Variants in SCAPER observed in about 807,000 individuals in gnomAD.
The protein encoded by SCAPER is S phase cyclin A-associated protein in the endoplasmic reticulum.
A neutral mutation model predicts 182.2 loss-of-function variants in SCAPER; 98 were observed. The observed-to-expected ratio is 0.54, with a 90% CI of 0.46 to 0.64. The LOEUF is 0.64. Ranked by LOEUF, SCAPER falls within the 30% of genes least tolerant of loss-of-function variation. The pLI is 0.00. For missense variants in SCAPER, 1,432 were observed against 1,690.0 expected (o/e 0.85, Z 2.68); for synonymous variants, 605 against 564.6 (o/e 1.07, Z -1.01).
At chr15:76,724,722 T>C (rs1457367861) in intron 17 of SCAPER, among the ~76,000 whole-genome samples, 1 of 152,216 alleles carries the variant, frequency 6.6e-6, no homozygotes, top group African/African-American at 2.4e-5. Flanking sequence ...TCACATTAGT[T>C]ACTGAGTCTT....
intron 5 of SCAPER, among the ~76,000 whole-genome samples, chr15:76,805,967 A>G (rs1458825794): frequency 1.3e-5 from 2 of 152,202 alleles, no homozygotes; most frequent in Non-Finnish European, 2.9e-5. Flanking sequence ...TTCTTTATAT[A>G]TTCTAGGTAT....
At chr15:76,723,434 A>G (rs927427251) in intron 17 of SCAPER, among the ~76,000 whole-genome samples, 2 of 152,114 alleles carry the variant, frequency 1.3e-5, no homozygotes, top group African/African-American at 4.8e-5. Flanking sequence ...AGTTCTGTAG[A>G]TGTCTATTAG....
rs1225009824 is a variant in SCAPER, at chr15:76,440,907, G to GTTTTTTTTTTTTTTTTT, written c.3079-6598_3079-6597insAAAAAAAAAAAAAAAAA. Among the ~76,000 whole-genome samples the GTTTTTTTTTTTTTTTTT allele has an allele frequency of 8.5e-5, 7 of 82,818 alleles. 1 individual carries two copies. The highest frequency in any genetic ancestry group is 2.2e-4 in the African/African-American group (5 of 22,852). The allele number at this position is 82,818 out of a possible 152,430, so 54.3% of individuals were successfully genotyped here. ...ATCTTTTAAAATTATTCCCCTTCTG[G>GTTTTTTTTTTTTTTTTT]TTTTTTTTTTGTTTTTTTTTTTTTT... is the stretch of plus-strand genomic sequence containing the variant. On this transcript the variant is annotated intron_variant, in intron 25 of 31. Coordinates refer to ENST00000563290, the MANE Select transcript of SCAPER (RefSeq NM_020843.4).
chr15:76,747,773 A>G (rs1022102218), intron 15 of SCAPER, among the ~76,000 whole-genome samples: 6 of 152,164 alleles, frequency 3.9e-5, no homozygotes, highest in East Asian at 1.9e-4. Flanking sequence ...ACCTTCTGCC[A>G]TCAGTGAAGT....
chr15:76,491,718 G>A (rs559944242), intron 24 of SCAPER, among the ~76,000 whole-genome samples: 6 of 152,202 alleles, frequency 3.9e-5, no homozygotes, highest in Admixed American at 1.3e-4. Flanking sequence ...TGCAACCCCC[G>A]CCTCCTGGGT....
intron 22 of SCAPER, among the ~76,000 whole-genome samples, chr15:76,585,569 T>C (rs1266423318): frequency 6.6e-6 from 1 of 152,182 alleles, no homozygotes; most frequent in African/African-American, 2.4e-5. Context: ...ACAAGAATGC[T>C]GACATTTGAC....
intron 15 of SCAPER, among the ~76,000 whole-genome samples, chr15:76,749,534 A>G (rs1202666730): frequency 1.3e-5 from 2 of 152,120 alleles, no homozygotes; most frequent in Non-Finnish European, 2.9e-5. Flanking sequence ...GACTGGAAAG[A>G]AAGAAATAAC....
intron 23 of SCAPER, among the ~76,000 whole-genome samples, chr15:76,532,469 T>A (rs1187605307): frequency 6.6e-6 from 1 of 152,146 alleles, no homozygotes; most frequent in East Asian, 1.9e-4. Flanking sequence ...CCCAAAGTGC[T>A]GGGATTACAG....
intron 27 of SCAPER, among the ~76,000 whole-genome samples, chr15:76,386,896 T>C (rs1395960526): frequency 6.6e-6 from 1 of 152,182 alleles, no homozygotes; most frequent in African/African-American, 2.4e-5. Flanking sequence ...TTGTAAGGTT[T>C]TGAGCACAGA....
At chr15:76,366,086 T>TACAA (rs899210033) in intron 29 of SCAPER, among the ~76,000 whole-genome samples, 42 of 149,540 alleles carry the variant, frequency 2.8e-4, no homozygotes, top group African/African-American at 1.0e-3. Context: ...CTTACACACT[T>TACAA]ACACACACAC....
intron 21 of SCAPER, among the ~76,000 whole-genome samples, chr15:76,635,696 T>A (rs1393051230): frequency 1.3e-5 from 2 of 152,196 alleles, no homozygotes; most frequent in African/African-American, 4.8e-5. Flanking sequence ...AGCTGTGAGA[T>A]TTTCCTAATT....
chr15:76,431,676 C>CAAAAAAAAAAAAAAAAAAAAAAAAA lies in SCAPER; in HGVS notation c.3311+2377_3311+2401dup, dbSNP rs60675828. On this transcript the variant is annotated intron_variant, in intron 26 of 31. Transcript: ENST00000563290. ...AGAAGGCAAGTATGAAAATGATTAG[C>CAAAAAAAAAAAAAAAAAAAAAAAAA]AAAAAAAAAAAAAAAAAAAAAAAAA... 4.0e-4 allele frequency among the ~76,000 whole-genome samples: 19 copies of CAAAAAAAAAAAAAAAAAAAAAAAAA among 47,126 alleles called. 2 individuals carry two copies. The highest frequency in any genetic ancestry group is 9.8e-4 in the African/African-American group (10 of 10,252). 30.9% of individuals were successfully genotyped at this position (47,126 alleles called of 152,430 possible).
At chr15:76,697,815 T>C (rs563236542) in intron 20 of SCAPER, among the ~76,000 whole-genome samples, 1 of 152,186 alleles carries the variant, frequency 6.6e-6, no homozygotes, top group Admixed American at 6.5e-5. Context: ...AATTTTTGTA[T>C]ATTTAGTAGA....
At chr15:76,553,763 G>A (rs1281348609) in intron 23 of SCAPER, among the ~76,000 whole-genome samples, 1 of 150,368 alleles carries the variant, frequency 6.7e-6, no homozygotes, top group East Asian at 2.0e-4. Context: ...CCAGTCAACA[G>A]AACCCACATT....
intron 2 of SCAPER, among the ~76,000 whole-genome samples, chr15:76,867,532 A>G (rs1003138095): frequency 3.3e-5 from 5 of 152,222 alleles, no homozygotes; most frequent in African/African-American, 9.6e-5. Context: ...GTAAAACCAT[A>G]GATGAACTAA....
In SCAPER at chr15:76,446,740, T is replaced by A. The variant is rs567804577; in HGVS notation, c.3079-12430A>T. ...ATATCCTGAAGTAGACAAATTCATA[T>A]GAAAAAGGAAATGTATGTCATCCAT... On this transcript the variant is annotated intron_variant, in intron 25 of 31. Coordinates refer to ENST00000563290, the MANE Select transcript of SCAPER (RefSeq NM_020843.4). 3.7e-4 allele frequency among the ~76,000 whole-genome samples: 57 copies of A among 152,268 alleles called. 1 individual carries two copies. In the South Asian group the frequency reaches 0.012, roughly 31 times the overall value.
At chr15:76,704,448 C>T (rs1167234641) in intron 18 of SCAPER, among the ~76,000 whole-genome samples, 4 of 152,020 alleles carry the variant, frequency 2.6e-5, no homozygotes, top group African/African-American at 4.8e-5. Context: ...GGGTTTTTAC[C>T]GTTTTAGGTC....
At chr15:76,517,899 C>T (rs2042562096) in intron 23 of SCAPER, among the ~76,000 whole-genome samples, 1 of 150,612 alleles carries the variant, frequency 6.6e-6, no homozygotes, top group African/African-American at 2.4e-5. Flanking sequence ...CATTCACTAG[C>T]AGCTAAAAAA....
intron 26 of SCAPER, among the ~76,000 whole-genome samples, chr15:76,421,674 T>C (rs2046054112): frequency 1.3e-5 from 2 of 152,340 alleles, no homozygotes; most frequent in South Asian, 4.1e-4. Flanking sequence ...GCTTTTGGTG[T>C]TTTAGACATG....
Sources: allele counts gnomAD v4.1 joint callset (sites outside exome capture counted in the v4.1 genomes callset), GRCh38; gene constraint gnomAD v4.1.1; transcripts MANE v1.5; gene names NCBI Gene and HGNC (gene_info 2026-07-23, HGNC 2026-07-21).